VRK1: variants seen among roughly 807,000 people sequenced by gnomAD.
VRK1 encodes the protein VRK serine/threonine kinase 1, also known as serine/threonine-protein kinase VRK1.
In VRK1, 33 loss-of-function variants were observed where a neutral mutation model predicts 57.1. The ratio of observed to expected loss-of-function variants is 0.58; its 90% CI spans 0.44 to 0.77. The LOEUF (loss-of-function observed/expected upper bound fraction) is 0.77, where lower values mean the gene tolerates loss of function less well. Ranked by LOEUF, VRK1 falls within the 30% of genes least tolerant of loss-of-function variation. The probability of loss-of-function intolerance (pLI) is 0.00; values close to 1 mark genes in which losing one functional copy is unlikely to be tolerated. For missense variants in VRK1, 413 were observed against 477.3 expected (o/e 0.87, Z 1.25); for synonymous variants, 137 against 147.8 (o/e 0.93, Z 0.53).
intron 5 of VRK1, among the ~76,000 whole-genome samples, chr14:96,849,985 G>A (rs1249661295): frequency 6.6e-6 from 1 of 152,180 alleles, no homozygotes; most frequent in Non-Finnish European, 1.5e-5. Flanking sequence ...CCCTGGTGTG[G>A]ATCAGAAGTG....
chr14:96,876,868 A>C (rs2139847606), intron 12 of VRK1, among the ~76,000 whole-genome samples: 1 of 152,208 alleles, frequency 6.6e-6, no homozygotes, highest in East Asian at 1.9e-4. Flanking sequence ...AGGCACTTCC[A>C]ATAGTTCCAG....
intron 1 of VRK1, among the ~76,000 whole-genome samples, chr14:96,824,665 ATT>A (rs55945612): frequency 1.3e-3 from 177 of 139,520 alleles, no homozygotes; most frequent in South Asian, 2.3e-3. Flanking sequence ...AAAAACATTA[ATT>A]TTTTTTTTTT....
chr14:96,837,617 A>T (rs4905550), intron 2 of VRK1, 145 bp from the exon 3 acceptor site: 2 of 391,726 alleles, frequency 5.1e-6, no homozygotes, highest in Admixed American at 4.5e-5. Context: ...CTTAAAATTT[A>T]TGAAATGTAC....
At chr14:96,805,784 G>A (rs1245172370) in intron 1 of VRK1, among the ~76,000 whole-genome samples, 1 of 152,160 alleles carries the variant, frequency 6.6e-6, no homozygotes, top group Admixed American at 6.5e-5. Flanking sequence ...ATTGACACAT[G>A]TTAATGAAAG....
intron 11 of VRK1, among the ~76,000 whole-genome samples, chr14:96,874,670 G>T (rs76226562): frequency 0.084 from 12,734 of 152,264 alleles, 699 homozygotes; most frequent in Non-Finnish European, 0.13. Context: ...GGAACATGGT[G>T]GGTATCTCTG....
intron 3 of VRK1, among the ~76,000 whole-genome samples, chr14:96,844,801 C>T (rs1248386804): frequency 6.6e-6 from 1 of 152,168 alleles, no homozygotes; most frequent in Non-Finnish European, 1.5e-5. Flanking sequence ...CTTGGCCTCC[C>T]AAAGTGCTGG....
intron 11 of VRK1, among the ~76,000 whole-genome samples, chr14:96,871,819 T>G (rs752932148): frequency 2.0e-5 from 3 of 152,124 alleles, no homozygotes; most frequent in Non-Finnish European, 4.4e-5. Flanking sequence ...AAATTTTTAT[T>G]TTTATTTTTA....
chr14:96,809,372 C>T (rs1304318124), intron 1 of VRK1, among the ~76,000 whole-genome samples: 1 of 152,112 alleles, frequency 6.6e-6, no homozygotes, highest in Non-Finnish European at 1.5e-5. Context: ...TAGCAAAATT[C>T]ATTTATTCAT....
chr14:96,876,076 A>G lies in VRK1; in HGVS notation c.1115A>G (p.Asp372Gly). ...IEESKEPGVE[D>G]TEWSNTQTEE... is the part of the protein sequence containing the mutation. ...GAAAGCAAGGAACCTGGTGTTGAAG[A>G]TACGGAATGGTCAAACACACAGACA... The change falls in exon 12 of 13, where the codon GAT (aspartate) becomes GGT (glycine). Residue 372 changes from aspartate to glycine, a missense_variant. Physicochemically the swap from Asp to Gly is moderately conservative, Grantham distance 94. This residue lies in a region of VRK1 where 146 missense variants were observed against 138.2 expected (regional missense o/e 1.06). Coordinates refer to ENST00000216639, the MANE Select transcript of VRK1 (RefSeq NM_003384.3). 2.5e-6 allele frequency: 4 copies of G among 1,613,740 alleles called. No homozygotes were observed. Among genetic ancestry groups the G allele is most frequent in the Non-Finnish European group, 3.4e-6 (4 of 1,179,730 alleles).
rs1380773393 is a variant in VRK1, at chr14:96,856,600, T to C, written c.889+14T>C. 2.5e-6 allele frequency: 4 copies of C among 1,608,798 alleles called. No individual in the cohort carries two copies. In the African/African-American group the frequency reaches 5.3e-5, roughly 21 times the overall value. ...AAAACAAACCAGGTAGGAAATGACT[T>C]CTTCAGTGTTAATAGGGATTTTGTT... is the stretch of plus-strand genomic sequence containing the variant. On this transcript the variant is annotated intron_variant, in intron 10 of 12. Transcript: ENST00000216639.
chr14:96,843,311 C>A (rs1051124432), intron 3 of VRK1, among the ~76,000 whole-genome samples: 2 of 152,172 alleles, frequency 1.3e-5, no homozygotes, highest in Non-Finnish European at 2.9e-5. Flanking sequence ...GAACTAGAGG[C>A]AGAGGTCAGG....
chr14:96,848,410 C>T (rs1042440123), intron 5 of VRK1, among the ~76,000 whole-genome samples: 8 of 152,028 alleles, frequency 5.3e-5, no homozygotes, highest in Non-Finnish European at 7.4e-5. Flanking sequence ...GTGATCACAG[C>T]GATCCATGTG....
intron 1 of VRK1, among the ~76,000 whole-genome samples, chr14:96,821,862 T>A (rs1886611751): frequency 6.6e-6 from 1 of 152,206 alleles, no homozygotes; most frequent in Admixed American, 6.5e-5. Flanking sequence ...CCCCTTGCTG[T>A]TTCTAGAACA....
chr14:96,871,689 CCT>C (rs1355689624), intron 11 of VRK1, among the ~76,000 whole-genome samples: 1 of 152,156 alleles, frequency 6.6e-6, no homozygotes, highest in Non-Finnish European at 1.5e-5. Context: ...GTGATCTTCA[CCT>C]CTGTTCAGAT....
At position 96,840,513 on chromosome 14, in the gene VRK1, C is replaced by G. The variant is rs1423007602; in HGVS notation, c.216+2696C>G. Among the ~76,000 whole-genome samples the G allele has an allele frequency of 2.0e-5, 3 of 152,134 alleles. No individual in the cohort carries two copies. In the South Asian group the frequency reaches 6.2e-4, roughly 31 times the overall value. On this transcript the variant is annotated intron_variant, in intron 3 of 12. Coordinates refer to ENST00000216639, the MANE Select transcript of VRK1 (RefSeq NM_003384.3). The stretch of plus-strand genomic sequence containing the variant: ...TAGCATTCTTTTTGGAATATTCAGC[C>G]TGTTGCTGAATCAGAGGAACTAAAG...
At chr14:96,840,640 A>T (rs1170855267) in intron 3 of VRK1, among the ~76,000 whole-genome samples, 1 of 152,148 alleles carries the variant, frequency 6.6e-6, no homozygotes, top group Non-Finnish European at 1.5e-5. Flanking sequence ...GGGTAAGATG[A>T]GTTTCTTCTT....
chr14:96,816,712 C>T (rs1442325016), intron 1 of VRK1, among the ~76,000 whole-genome samples: 3 of 152,044 alleles, frequency 2.0e-5, no homozygotes, highest in Non-Finnish European at 4.4e-5. Context: ...GATTAAGTGA[C>T]AGTATAGGGT....
intron 1 of VRK1, among the ~76,000 whole-genome samples, chr14:96,812,462 C>G (rs1230814316): frequency 6.6e-6 from 1 of 152,150 alleles, no homozygotes; most frequent in Non-Finnish European, 1.5e-5. Flanking sequence ...GAAGTGGCAT[C>G]TCGTTGTGGT....
chr14:96,847,277 C>T lies in VRK1; in HGVS notation c.307C>T (p.Arg103Cys), dbSNP rs755450815. ...PEQIQKWIRT[R>C]KLKYLGVPKY... ...TGTAGTTCAGAAATGGATTCGTACC[C>T]GTAAGCTGAAGTACCTGGGTGTTCC... is the stretch of plus-strand genomic sequence containing the variant. Residue 103 changes from arginine (R) to cysteine (C), a missense_variant, in exon 5 of 13, where the codon CGT becomes TGT. This residue lies in a region of VRK1 where 151 missense variants were observed against 225.5 expected (regional missense o/e 0.67). Transcript: ENST00000216639. The T allele has an allele frequency of 1.1e-5, 17 of 1,613,476 alleles. No homozygotes were observed. Among genetic ancestry groups the T allele is most frequent in the African/African-American group, 2.7e-5 (2 of 74,874 alleles).
Sources: allele counts gnomAD v4.1 joint callset (sites outside exome capture counted in the v4.1 genomes callset), GRCh38; gene constraint gnomAD v4.1.1; regional missense constraint gnomAD v4.1.1; transcripts MANE v1.5; gene names NCBI Gene and HGNC (gene_info 2026-07-23, HGNC 2026-07-21).